NUBPL: variants seen among roughly 807,000 people sequenced by gnomAD.
NUBPL encodes iron-sulfur cluster transfer protein NUBPL.
NUBPL carries 31 observed loss-of-function variants against 45.7 expected under a neutral mutation model. That is an observed-to-expected ratio of 0.68 (90% confidence interval 0.51 to 0.92). NUBPL has a LOEUF of 0.92. Ranked by LOEUF, NUBPL falls within the 40% of genes least tolerant of loss-of-function variation. The pLI is 0.00. For synonymous variants in NUBPL, 144 were observed against 140.9 expected, an observed-to-expected ratio of 1.02 and a Z score of -0.15; for missense variants, 401 against 398.7, an observed-to-expected ratio of 1.01 and a Z score of -0.05.
intron 4 of NUBPL, among the ~76,000 whole-genome samples, chr14:31,645,404 T>A (rs1017398991): frequency 2.0e-5 from 3 of 152,224 alleles, no homozygotes; most frequent in African/African-American, 7.2e-5. Flanking sequence ...TAGTTGGGTC[T>A]TATTTCTTTG....
intron 10 of NUBPL, among the ~76,000 whole-genome samples, chr14:31,855,315 T>C (rs922643146): frequency 1.3e-5 from 2 of 152,232 alleles, no homozygotes; most frequent in Non-Finnish European, 2.9e-5. Flanking sequence ...CAAAAACTAT[T>C]GTTTCTGTTA....
At chr14:31,840,242 C>G (rs2040347131) in intron 8 of NUBPL, among the ~76,000 whole-genome samples, 1 of 152,134 alleles carries the variant, frequency 6.6e-6, no homozygotes, top group African/African-American at 2.4e-5. Flanking sequence ...CACACACACA[C>G]ATAGACACAG....
At position 31,859,188 on chromosome 14, in the gene NUBPL, A is replaced by C; in HGVS notation, c.*8A>C. 1 of 1,613,082 alleles carries C rather than the reference A, an allele frequency of 6.2e-7. No individual in the cohort carries two copies. Among genetic ancestry groups the C allele is most frequent in the Non-Finnish European group, 8.5e-7 (1 of 1,179,176 alleles). ...CCATCACCTTCAGAATGATTCCCCA[A>C]GTGTCCTGGAAATTTGCCTGGTACT... On this transcript the variant is annotated 3_prime_UTR_variant, in exon 11 of 11. Transcript: ENST00000281081.
chr14:31,588,541 G>A (rs568341278), intron 3 of NUBPL, among the ~76,000 whole-genome samples: 13 of 152,082 alleles, frequency 8.5e-5, no homozygotes, highest in Non-Finnish European at 1.6e-4. Flanking sequence ...CATCTATTAA[G>A]TGATACAAAT....
In NUBPL at chr14:31,693,920, A is replaced by G. The variant is rs924878906; in HGVS notation, c.513+20346A>G. Among the ~76,000 whole-genome samples the G allele has an allele frequency of 4.7e-5, 6 of 128,382 alleles. No homozygotes were observed. The East Asian group carries it at 1.4e-3, about 31-fold the overall frequency. The allele number at this position is 128,382 out of a possible 152,430, so 84.2% of individuals were successfully genotyped here. A position where few individuals can be genotyped will look rare whatever the true frequency, so the allele number is the denominator to read the frequency against. ...GCCCAGGCTGGAGTGCAGTGGCGTGATCTGGGCTCACTGTAAGCTCCGCCT... is the reference window on the plus strand; with the variant it reads ...GCCCAGGCTGGAGTGCAGTGGCGTGGTCTGGGCTCACTGTAAGCTCCGCCT... On this transcript the variant is annotated intron_variant, in intron 6 of 10. Coordinates refer to ENST00000281081, the MANE Select transcript of NUBPL (RefSeq NM_025152.3).
chr14:31,836,075 C>G (rs912637065), intron 8 of NUBPL, among the ~76,000 whole-genome samples: 4 of 152,122 alleles, frequency 2.6e-5, no homozygotes, highest in East Asian at 1.9e-4. Context: ...AAAATTGGAG[C>G]CTTTTGGGCC....
chr14:31,848,564 A>G (rs1418694671), intron 9 of NUBPL, among the ~76,000 whole-genome samples: 2 of 152,214 alleles, frequency 1.3e-5, no homozygotes, highest in Non-Finnish European at 2.9e-5. Flanking sequence ...AAAACCCTTT[A>G]ACCTATTATA....
At chr14:31,703,488 G>T (rs1266626454) in intron 6 of NUBPL, among the ~76,000 whole-genome samples, 6 of 152,226 alleles carry the variant, frequency 3.9e-5, no homozygotes, top group Non-Finnish European at 7.3e-5. Context: ...TGAGACTGGG[G>T]AGAAACTTAC....
chr14:31,691,633 G>C (rs995714188), intron 6 of NUBPL, among the ~76,000 whole-genome samples: 25 of 152,188 alleles, frequency 1.6e-4, no homozygotes, highest in African/African-American at 6.0e-4. Context: ...AATTGCTTGA[G>C]AATAAGAGTT....
intron 10 of NUBPL, among the ~76,000 whole-genome samples, chr14:31,851,622 A>T (rs751433252): frequency 6.6e-6 from 1 of 152,170 alleles, no homozygotes; most frequent in Non-Finnish European, 1.5e-5. Flanking sequence ...AGTCTTTCTC[A>T]ACAATTTTTC....
chr14:31,818,184 C>T (rs1410364975), intron 7 of NUBPL, among the ~76,000 whole-genome samples: 1 of 152,134 alleles, frequency 6.6e-6, no homozygotes, highest in African/African-American at 2.4e-5. Flanking sequence ...TACAAAGAGA[C>T]TTAGACTCCC....
At chr14:31,829,899 G>C (rs2040162755) in intron 8 of NUBPL, among the ~76,000 whole-genome samples, 1 of 152,068 alleles carries the variant, frequency 6.6e-6, no homozygotes, top group Non-Finnish European at 1.5e-5. Context: ...AATATTTGTA[G>C]GTAGACTATT....
At chr14:31,604,332 C>G (rs2139575886) in intron 4 of NUBPL, among the ~76,000 whole-genome samples, 1 of 152,236 alleles carries the variant, frequency 6.6e-6, no homozygotes, top group South Asian at 2.1e-4. Context: ...AACCTGCCAC[C>G]ATTCTACTAA....
chr14:31,701,551 C>T (rs996646008), intron 6 of NUBPL, among the ~76,000 whole-genome samples: 10 of 152,232 alleles, frequency 6.6e-5, no homozygotes, highest in Admixed American at 2.0e-4. Context: ...TTTGGGTCCG[C>T]GCCGCCTTTA....
intron 6 of NUBPL, among the ~76,000 whole-genome samples, chr14:31,759,145 C>A (rs540615121): frequency 1.3e-5 from 2 of 152,070 alleles, no homozygotes; most frequent in South Asian, 4.1e-4. Flanking sequence ...TCAAATTTGG[C>A]TCCTTGCCAG....
chr14:31,678,735 C>T (rs1422700054), intron 6 of NUBPL, among the ~76,000 whole-genome samples: 1 of 152,186 alleles, frequency 6.6e-6, no homozygotes, highest in Non-Finnish European at 1.5e-5. Flanking sequence ...GAAGCCACGA[C>T]CTGTGCAGCC....
At chr14:31,613,673 G>T (rs535427868) in intron 4 of NUBPL, among the ~76,000 whole-genome samples, 1 of 152,134 alleles carries the variant, frequency 6.6e-6, no homozygotes, top group South Asian at 2.1e-4. Context: ...GGCCAGGCTG[G>T]TCTTGAACTC....
chr14:31,681,442 A>T (rs2036830339), intron 6 of NUBPL, among the ~76,000 whole-genome samples: 2 of 145,732 alleles, frequency 1.4e-5, no homozygotes, highest in African/African-American at 2.5e-5. Context: ...TTTATTCTTG[A>T]TTGTTCTTGC....
intron 7 of NUBPL, among the ~76,000 whole-genome samples, chr14:31,790,208 A>G (rs1266313446): frequency 6.6e-6 from 1 of 152,150 alleles, no homozygotes; most frequent in African/African-American, 2.4e-5. Context: ...CTTTTCTTTA[A>G]GCCCCTTTGG....
Sources: gnomAD v4.1 joint callset for allele counts (sites outside exome capture counted in the v4.1 genomes callset) on GRCh38, gnomAD v4.1.1 for gene constraint, MANE v1.5 for transcripts, NCBI Gene and HGNC (gene_info 2026-07-23, HGNC 2026-07-21) for gene names.